Variants in VAV3 observed in about 807,000 individuals in gnomAD.
VAV3 encodes guanine nucleotide exchange factor VAV3.
Under a neutral mutation model 131.2 loss-of-function variants are expected in VAV3, and 94 were observed. The ratio of observed to expected loss-of-function variants is 0.72; its 90% CI spans 0.61 to 0.85. VAV3 has a LOEUF of 0.85. Ranked by LOEUF, VAV3 falls within the 40% of genes least tolerant of loss-of-function variation. The pLI, the probability that VAV3 is intolerant of heterozygous loss-of-function variation, is 0.00. For missense variants in VAV3, 939 were observed against 1,002.7 expected (o/e 0.94, Z 0.86); for synonymous variants, 349 against 342.0 (o/e 1.02, Z -0.22).
intron 17 of VAV3, among the ~76,000 whole-genome samples, chr1:107,693,607 T>A (rs1219367343): frequency 2.6e-5 from 4 of 152,094 alleles, no homozygotes; most frequent in Non-Finnish European, 4.4e-5. Context: ...AAAAGAAGTG[T>A]TAAGAGATAC....
At chr1:107,809,185 T>C (rs956078168) in intron 2 of VAV3, among the ~76,000 whole-genome samples, 1 of 152,180 alleles carries the variant, frequency 6.6e-6, no homozygotes, top group Non-Finnish European at 1.5e-5. Context: ...GCCTCATCAT[T>C]TCTTTCTTTG....
intron 19 of VAV3, among the ~76,000 whole-genome samples, chr1:107,668,006 C>T (rs1056346259): frequency 6.6e-6 from 1 of 152,140 alleles, no homozygotes; most frequent in African/African-American, 2.4e-5. Context: ...TCAGCTGGTC[C>T]TCTCTCATCC....
intron 12 of VAV3, 118 bp downstream of exon 12, chr1:107,755,309 T>A (rs1437923026): frequency 1.3e-6 from 1 of 769,412 alleles, no homozygotes. Context: ...ACAAAGGGAC[T>A]GGCAACAACC....
rs771775495 is a variant in VAV3 at position 107,609,932 on chromosome 1, AG to A, written c.2013del (p.Trp672GlyfsTer19). 1 of 1,612,452 alleles carries A rather than the reference AG, an allele frequency of 6.2e-7. No homozygotes were observed. On this transcript the variant is annotated frameshift_variant and splice_region_variant, in exon 22 of 27. Transcript: ENST00000370056. LOFTEE classifies it high-confidence loss of function. ...VPKPVDYSCQ[P>X]WYAGAMERLQ... ...TACATAAACATTTTTAATACTTACCAGGGTTGGCAAGAATAATCTACTGGTT... is the reference window on the plus strand; with the variant it reads ...TACATAAACATTTTTAATACTTACCAGGTTGGCAAGAATAATCTACTGGTT...
rs536862325 is a variant in VAV3 at position 107,928,167 on chromosome 1, C to T, written c.204+36499G>A. Among the ~76,000 whole-genome samples, 16 of 152,270 alleles carry T rather than the reference C, an allele frequency of 1.1e-4. No individual in the cohort carries two copies. In the East Asian group the frequency reaches 2.1e-3, roughly 20 times the overall value. ...CAGATCTTATCAAAGACCATCAAGG[C>T]GGTGCCTCTACAACTCTACAAGAAC... On this transcript the variant is annotated intron_variant, in intron 1 of 26. Transcript: ENST00000370056.
chr1:107,729,577 ATC>A (rs1662093863), intron 15 of VAV3, among the ~76,000 whole-genome samples: 1 of 152,174 alleles, frequency 6.6e-6, no homozygotes, highest in Non-Finnish European at 1.5e-5. Flanking sequence ...TGGGTACGGA[ATC>A]CCTGTTCTGT....
chr1:107,807,474 A>G (rs556293780), intron 2 of VAV3, among the ~76,000 whole-genome samples: 60 of 152,356 alleles, frequency 3.9e-4, no homozygotes, highest in African/African-American at 1.4e-3. Flanking sequence ...CACTGATTTG[A>G]TTCCACATAA....
intron 19 of VAV3, among the ~76,000 whole-genome samples, chr1:107,664,351 C>A (rs1194294918): frequency 2.0e-5 from 3 of 152,034 alleles, no homozygotes; most frequent in Admixed American, 1.3e-4. Flanking sequence ...CCCTCCCCAA[C>A]CCCCCACAAA....
intron 20 of VAV3, among the ~76,000 whole-genome samples, chr1:107,630,673 C>T (rs1186321661): frequency 6.6e-6 from 1 of 152,124 alleles, no homozygotes; most frequent in Admixed American, 6.5e-5. Flanking sequence ...ACAATTAAAA[C>T]ACATTCCCAG....
chr1:107,891,022 A>G (rs1671285336), intron 1 of VAV3, among the ~76,000 whole-genome samples: 1 of 152,110 alleles, frequency 6.6e-6, no homozygotes, highest in Non-Finnish European at 1.5e-5. Context: ...TTAAATAGCC[A>G]CTTGTATATA....
intron 15 of VAV3, among the ~76,000 whole-genome samples, chr1:107,725,996 AC>A (rs1570836008): frequency 6.6e-6 from 1 of 152,194 alleles, no homozygotes; most frequent in East Asian, 1.9e-4. Context: ...ATGAAGGAAA[AC>A]AAAACTCCTT....
chr1:107,752,040 T>G (rs1032288200), intron 12 of VAV3, among the ~76,000 whole-genome samples: 1 of 152,190 alleles, frequency 6.6e-6, no homozygotes, highest in Non-Finnish European at 1.5e-5. Flanking sequence ...CAAAACAATC[T>G]TGAAAAGGAA....
chr1:107,737,541 A>G (rs1196138650), intron 15 of VAV3, among the ~76,000 whole-genome samples: 2 of 152,232 alleles, frequency 1.3e-5, no homozygotes, highest in Non-Finnish European at 2.9e-5. Flanking sequence ...AAAAGTAGGC[A>G]AAGGATATGA....
At chr1:107,693,327 T>G (rs148804020) in intron 17 of VAV3, among the ~76,000 whole-genome samples, 2 of 152,294 alleles carry the variant, frequency 1.3e-5, no homozygotes, top group African/African-American at 4.8e-5. Flanking sequence ...ACATTCAAAT[T>G]TGTTTCCAAG....
At chr1:107,904,861 A>C (rs1054491223) in intron 1 of VAV3, among the ~76,000 whole-genome samples, 2 of 152,208 alleles carry the variant, frequency 1.3e-5, no homozygotes, top group African/African-American at 2.4e-5. Flanking sequence ...AATATTGATA[A>C]ATGCTATAGC....
chr1:107,918,624 C>T (rs1354576770), intron 1 of VAV3, among the ~76,000 whole-genome samples: 3 of 150,516 alleles, frequency 2.0e-5, no homozygotes, highest in Non-Finnish European at 4.4e-5. Context: ...ATAAACCACT[C>T]CATGAAAATG....
At chr1:107,948,799 TC>T (rs1216459537) in intron 1 of VAV3, among the ~76,000 whole-genome samples, 6 of 151,808 alleles carry the variant, frequency 4.0e-5, no homozygotes, top group Non-Finnish European at 5.9e-5. Flanking sequence ...TGAGCTGAGA[TC>T]ATGCCACTGC....
intron 19 of VAV3, among the ~76,000 whole-genome samples, chr1:107,650,253 C>T (rs1400978830): frequency 6.6e-6 from 1 of 152,088 alleles, no homozygotes; most frequent in Non-Finnish European, 1.5e-5. Context: ...TTCCTACACT[C>T]ATTCTGTGAA....
chr1:107,734,438 A>T (rs979330046), intron 15 of VAV3, among the ~76,000 whole-genome samples: 4 of 152,238 alleles, frequency 2.6e-5, no homozygotes, highest in Non-Finnish European at 5.9e-5. Context: ...GACAAGACCC[A>T]TCAGTGTGCT....
Sources: gnomAD v4.1 joint callset for allele counts (sites outside exome capture counted in the v4.1 genomes callset) on GRCh38, gnomAD v4.1.1 for gene constraint, MANE v1.5 for transcripts, NCBI Gene and HGNC (gene_info 2026-07-23, HGNC 2026-07-21) for gene names.